The following SANBR variants were observed in gnomAD, a reference collection of about 807,000 sequenced individuals.
The protein encoded by SANBR is SANT and BTB domain regulator of CSR, also known as SANT and BTB domain regulator of class switch recombination.
In SANBR, 77 loss-of-function variants were observed where a neutral mutation model predicts 101.8. That is an observed-to-expected ratio of 0.76 (90% CI 0.63 to 0.91). SANBR has a LOEUF of 0.91. Ranked by LOEUF, SANBR falls within the 40% of genes least tolerant of loss-of-function variation. The probability of loss-of-function intolerance (pLI) is 0.00; values close to 1 mark genes in which losing one functional copy is unlikely to be tolerated. For missense variants in SANBR, 875 were observed against 853.0 expected, an observed-to-expected ratio of 1.03 and a Z score of -0.32; for synonymous variants, 279 against 274.7, an observed-to-expected ratio of 1.02 and a Z score of -0.15.
At chr2:61,114,389 G>C (rs190606282) in intron 16 of SANBR, among the ~76,000 whole-genome samples, 4 of 152,160 alleles carry the variant, frequency 2.6e-5, no homozygotes, top group African/African-American at 9.7e-5. Flanking sequence ...GATTGTCAAC[G>C]GTTAGTCTTA....
At position 61,122,863 on chromosome 2, in the gene SANBR, A is replaced by T. The variant is rs1304229174; in HGVS notation, c.*701A>T. The T allele has an allele frequency of 1.0e-6, 1 of 984,832 alleles. No homozygotes were observed. Among genetic ancestry groups the T allele is most frequent in the Non-Finnish European group, 1.2e-6 (1 of 829,394 alleles). The allele number at this position is 984,832 out of a possible 1,614,324, so 61.0% of individuals were successfully genotyped here. A position where few individuals can be genotyped will look rare whatever the true frequency, so the allele number is the denominator to read the frequency against. ...TTATTACTCTGTCCTCTGTGAAACT[A>T]GTGGCATTCTGAATTTGGTAAAATA... On this transcript the variant is annotated 3_prime_UTR_variant, in exon 22 of 22. Transcript: ENST00000402291.
intron 5 of SANBR, among the ~76,000 whole-genome samples, chr2:61,076,626 TAA>T (rs1236468990): frequency 2.2e-4 from 26 of 118,980 alleles, no homozygotes; most frequent in Admixed American, 3.5e-4. Flanking sequence ...AGACTCCGTC[TAA>T]AAAAAAAAAA....
intron 8 of SANBR, 131 bp from the exon 9 acceptor site, chr2:61,088,028 T>C (rs1230235647): frequency 1.9e-6 from 1 of 527,438 alleles, no homozygotes; most frequent in Non-Finnish European, 3.4e-6. Flanking sequence ...ACTAAAAATG[T>C]ATTATAAACT....
At chr2:61,076,675 G>C (rs1681802868) in intron 5 of SANBR, among the ~76,000 whole-genome samples, 2 of 151,118 alleles carry the variant, frequency 1.3e-5, no homozygotes, top group African/African-American at 4.8e-5. Context: ...TTCAAACTGT[G>C]TAAATTATTT....
chr2:61,101,435 C>CT (rs1683277458), intron 12 of SANBR, among the ~76,000 whole-genome samples: 1 of 152,126 alleles, frequency 6.6e-6, no homozygotes, highest in Non-Finnish European at 1.5e-5. Flanking sequence ...TTGTAGGCAT[C>CT]TTTAAAAGAA....
intron 1 of SANBR, among the ~76,000 whole-genome samples, chr2:61,066,685 A>G (rs969508171): frequency 3.3e-5 from 5 of 152,186 alleles, no homozygotes; most frequent in Non-Finnish European, 7.3e-5. Context: ...TCCACTGGCT[A>G]AGGGAAAACG....
intron 13 of SANBR, among the ~76,000 whole-genome samples, chr2:61,105,278 A>T (rs906009397): frequency 2.0e-5 from 3 of 151,892 alleles, no homozygotes; most frequent in Admixed American, 6.6e-5. Flanking sequence ...AGGCAGGAGA[A>T]GTGCTTGAAC....
At chr2:61,071,551 A>G (rs1373287034) in intron 3 of SANBR, 55 bp from the exon 4 acceptor site, 9 of 772,884 alleles carry the variant, frequency 1.2e-5, no homozygotes, top group Non-Finnish European at 1.6e-5. Flanking sequence ...CTCCGTCTCA[A>G]AAAAAAAAAA....
chr2:61,112,563 C>G (rs916738077), intron 16 of SANBR, among the ~76,000 whole-genome samples: 1 of 151,220 alleles, frequency 6.6e-6, no homozygotes, highest in Non-Finnish European at 1.5e-5. Context: ...GAGGTGCGAT[C>G]TCTCACTGCA....
chr2:61,072,398 C>T (rs1298454543), intron 4 of SANBR, among the ~76,000 whole-genome samples: 1 of 151,788 alleles, frequency 6.6e-6, no homozygotes, highest in Non-Finnish European at 1.5e-5. Context: ...ATAGCAAGAC[C>T]CTGTCTCTAC....
At chr2:61,105,815 G>T (rs1014701843) in intron 13 of SANBR, among the ~76,000 whole-genome samples, 4 of 151,986 alleles carry the variant, frequency 2.6e-5, no homozygotes, top group Admixed American at 1.3e-4. Flanking sequence ...AGGATTACAG[G>T]CATGTGCCAC....
At chr2:61,089,925 G>T (rs1411094186) in intron 10 of SANBR, among the ~76,000 whole-genome samples, 1 of 152,010 alleles carries the variant, frequency 6.6e-6, no homozygotes, top group Non-Finnish European at 1.5e-5. Flanking sequence ...TCAGCATTTT[G>T]GGAGGCTGAG....
chr2:61,069,465 G>A (rs1305327198), intron 2 of SANBR, among the ~76,000 whole-genome samples: 1 of 152,132 alleles, frequency 6.6e-6, no homozygotes, highest in East Asian at 1.9e-4. Context: ...CTTTTCCATT[G>A]TACTGGTCTG....
Position 61,103,973 on chromosome 2 carries a change from G to C in SANBR, c.1486G>C (p.Val496Leu). ...GCACAAGTACAGAGATGTCATTGTTGTGCCTTTTTCAAAAGATACAGTTAG... is the reference window on the plus strand; with the variant it reads ...GCACAAGTACAGAGATGTCATTGTTCTGCCTTTTTCAAAAGATACAGTTAG... ...DLHKYRDVIVVPFSKDTVSDV... is the reference protein window; with the variant it reads ...DLHKYRDVIVLPFSKDTVSDV... The change falls in exon 13 of 22, where the codon GTG becomes CTG. Residue 496 changes from valine (V) to leucine (L), a missense_variant. Coordinates refer to ENST00000402291, the MANE Select transcript of SANBR (RefSeq NM_001129993.3). 1 of 1,614,142 alleles carries C rather than the reference G, an allele frequency of 6.2e-7. No homozygotes were observed. The highest frequency in any genetic ancestry group is 1.1e-5 in the South Asian group (1 of 91,084).
intron 3 of SANBR, among the ~76,000 whole-genome samples, chr2:61,071,203 A>T (rs1050373365): frequency 1.3e-5 from 2 of 152,212 alleles, no homozygotes; most frequent in Non-Finnish European, 1.5e-5. Context: ...GTAATTGTTG[A>T]AAAATATCTT....
intron 14 of SANBR, among the ~76,000 whole-genome samples, chr2:61,107,110 G>A (rs1243091752): frequency 6.6e-6 from 1 of 151,216 alleles, no homozygotes; most frequent in Admixed American, 6.6e-5. Flanking sequence ...AGAGGTTGCA[G>A]TGAGCCGAGA....
chr2:61,127,724 G>T (rs1208828958), downstream of SANBR, among the ~76,000 whole-genome samples: 1 of 151,968 alleles, frequency 6.6e-6, no homozygotes, highest in Non-Finnish European at 1.5e-5. Flanking sequence ...CAGAGCCTCA[G>T]AAAAATATGA....
At chr2:61,115,177 T>A (rs1010976923) in intron 16 of SANBR, among the ~76,000 whole-genome samples, 3 of 152,144 alleles carry the variant, frequency 2.0e-5, no homozygotes, top group African/African-American at 7.2e-5. Context: ...CTGGAGCTTT[T>A]GTTATAGGAA....
intron 21 of SANBR, among the ~76,000 whole-genome samples, chr2:61,135,415 T>C (rs1354161617): frequency 1.3e-5 from 2 of 152,236 alleles, no homozygotes; most frequent in African/African-American, 4.8e-5. Flanking sequence ...TACTTTTAAA[T>C]GACATCTAGT....
Sources: allele counts gnomAD v4.1 joint callset (sites outside exome capture counted in the v4.1 genomes callset), GRCh38; gene constraint gnomAD v4.1.1; transcripts MANE v1.5; gene names NCBI Gene and HGNC (gene_info 2026-07-23, HGNC 2026-07-21).